FAM3B: variants seen among roughly 807,000 people sequenced by gnomAD.
The protein encoded by FAM3B is protein FAM3B.
FAM3B carries 29 observed loss-of-function variants against 28.4 expected under a neutral mutation model. The observed-to-expected ratio is 1.02, with a 90% CI of 0.76 to 1.39. The LOEUF (loss-of-function observed/expected upper bound fraction) is 1.39, where lower values mean the gene tolerates loss of function less well. FAM3B is among the 40% of genes most tolerant of loss of function. The pLI is 0.00. For missense variants in FAM3B, 266 were observed against 293.9 expected, an observed-to-expected ratio of 0.91 and a Z score of 0.69; for synonymous variants, 91 against 103.0, an observed-to-expected ratio of 0.88 and a Z score of 0.71.
chr21:41,339,447 A>G (rs972158833), intron 3 of FAM3B, among the ~76,000 whole-genome samples: 21 of 152,214 alleles, frequency 1.4e-4, no homozygotes, highest in African/African-American at 4.8e-4. Context: ...CTAGACACTC[A>G]TGGGCCCTTG....
intron 2 of FAM3B, among the ~76,000 whole-genome samples, chr21:41,329,671 G>A (rs2088887313): frequency 6.6e-6 from 1 of 151,682 alleles, no homozygotes; most frequent in African/African-American, 2.4e-5. Flanking sequence ...CTGGGTTCAA[G>A]CGATTCTCCT....
chr21:41,323,288 A>G (rs2088826733), intron 2 of FAM3B, among the ~76,000 whole-genome samples: 1 of 152,218 alleles, frequency 6.6e-6, no homozygotes, highest in Non-Finnish European at 1.5e-5. Context: ...GCTTCTGGTT[A>G]CCAGCACAAA....
At chr21:41,353,665 A>G (rs1363656487) in intron 7 of FAM3B, among the ~76,000 whole-genome samples, 1 of 152,256 alleles carries the variant, frequency 6.6e-6, no homozygotes, top group African/African-American at 2.4e-5. Flanking sequence ...AAGTAACAAT[A>G]AATCAAATAC....
chr21:41,312,064 A>G (rs1030462311), upstream of FAM3B, among the ~76,000 whole-genome samples: 3 of 152,188 alleles, frequency 2.0e-5, no homozygotes, highest in Non-Finnish European at 4.4e-5. Context: ...ACCCGCCCCC[A>G]TGATTCAATC....
chr21:41,341,462 A>G (rs574332718), intron 3 of FAM3B, among the ~76,000 whole-genome samples: 7 of 152,270 alleles, frequency 4.6e-5, no homozygotes, highest in Admixed American at 6.5e-5. Flanking sequence ...TTCCTGCCCA[A>G]TGGTAACCTG....
chr21:41,325,031 G>A (rs1021028726), intron 2 of FAM3B, among the ~76,000 whole-genome samples: 1 of 152,198 alleles, frequency 6.6e-6, no homozygotes, highest in African/African-American at 2.4e-5. Context: ...GAACCCAGTA[G>A]GTGGAGGTTG....
chr21:41,312,726 T>TGTGTGTGTGTGTGTGTGAGA, upstream of FAM3B, among the ~76,000 whole-genome samples: 1 of 110,224 alleles, frequency 9.1e-6, no homozygotes. Context: ...TGTGAGAGTG[T>TGTGTGTGTGTGTGTGTGAGA]GTGTGTGTGT....
At chr21:41,314,890 A>G (rs974277633), upstream of FAM3B, among the ~76,000 whole-genome samples, 1 of 152,076 alleles carries the variant, frequency 6.6e-6, no homozygotes, top group Non-Finnish European at 1.5e-5. Context: ...TCCTCAAAAA[A>G]TTAAGAATAG....
chr21:41,323,105 C>T (rs2088825052), intron 2 of FAM3B, 39 bp downstream of exon 2: 2 of 1,595,250 alleles, frequency 1.3e-6, no homozygotes, highest in East Asian at 4.5e-5. Context: ...GCCTTCATGG[C>T]TTGTGTGCAG....
intron 5 of FAM3B, chr21:41,346,298 TA>T (rs1326260047): frequency 6.5e-6 from 1 of 153,218 alleles, no homozygotes; most frequent in African/African-American, 2.4e-5. Context: ...CAAGTTTTTA[TA>T]AAGATAGTGA....
chr21:41,316,694 C>G, upstream of FAM3B: 1 of 445,472 alleles, frequency 2.2e-6, no homozygotes, highest in Middle Eastern at 6.0e-4. Context: ...CCTGCCCCGC[C>G]CACGCCCGCC....
chr21:41,332,499 C>G (rs529117515), intron 2 of FAM3B, among the ~76,000 whole-genome samples: 1 of 152,194 alleles, frequency 6.6e-6, no homozygotes, highest in South Asian at 2.1e-4. Context: ...TTGTAGTGCC[C>G]TTGTCTGGCT....
intron 7 of FAM3B, among the ~76,000 whole-genome samples, chr21:41,352,186 C>G (rs1178722217): frequency 1.3e-5 from 2 of 152,228 alleles, no homozygotes; most frequent in East Asian, 3.9e-4. Flanking sequence ...TGAGTGGCTG[C>G]TCTTACCATA....
chr21:41,315,181 G>T (rs1229768794), upstream of FAM3B, among the ~76,000 whole-genome samples: 1 of 152,132 alleles, frequency 6.6e-6, no homozygotes, highest in Non-Finnish European at 1.5e-5. Flanking sequence ...AAATAAACCA[G>T]TCACAAAAAG....
At chr21:41,355,869 A>C (rs2089160558) in intron 7 of FAM3B, among the ~76,000 whole-genome samples, 1 of 152,168 alleles carries the variant, frequency 6.6e-6, no homozygotes, top group African/African-American at 2.4e-5. Flanking sequence ...AAAAAGGGAT[A>C]TATTACTGGA....
At chr21:41,316,388 A>G (rs2088748874), upstream of FAM3B, among the ~76,000 whole-genome samples, 1 of 152,158 alleles carries the variant, frequency 6.6e-6, no homozygotes. Context: ...GGAGGAAGCA[A>G]AGAAGACCGA....
intron 2 of FAM3B, among the ~76,000 whole-genome samples, chr21:41,337,201 C>G (rs78044223): frequency 6.6e-6 from 1 of 152,188 alleles, no homozygotes; most frequent in Non-Finnish European, 1.5e-5. Context: ...TAAAATAGAG[C>G]CAAGTCTCTA....
chr21:41,338,286 G>T, intron 2 of FAM3B, 92 bp from the exon 3 acceptor site: 1 of 1,487,154 alleles, frequency 6.7e-7, no homozygotes, highest in Non-Finnish European at 9.2e-7. Flanking sequence ...GGAGTTTCTG[G>T]TATGAAGTGC....
chr21:41,317,477 G>A lies in FAM3B; in HGVS notation c.19+579G>A, dbSNP rs56004805. ...TTGACCAGTCATCGCGTTTCTTGCA[G>A]TCTGTCTTAGCTGCGCCTCTGTCCT... On this transcript the variant is annotated intron_variant, in intron 1 of 7. Transcript: ENST00000357985. Among the ~76,000 whole-genome samples the A allele has an allele frequency of 5.2e-3, 792 of 152,322 alleles. 6 individuals are homozygous for A. Among genetic ancestry groups the A allele is most frequent in the African/African-American group, 0.017 (695 of 41,576 alleles).
Sources: allele counts gnomAD v4.1 joint callset (sites outside exome capture counted in the v4.1 genomes callset), GRCh38; gene constraint gnomAD v4.1.1; transcripts MANE v1.5; gene names NCBI Gene and HGNC (gene_info 2026-07-23, HGNC 2026-07-21).